The following SLC12A7 variants were observed in gnomAD, a reference collection of about 807,000 sequenced individuals.
The protein encoded by SLC12A7 is solute carrier family 12 member 7.
SLC12A7 carries 100 observed loss-of-function variants against 120.6 expected under a neutral mutation model. The ratio of observed to expected loss-of-function variants is 0.83; its 90% CI spans 0.71 to 0.98. SLC12A7 has a LOEUF of 0.98. SLC12A7 is among the 50% of genes least tolerant of loss of function. SLC12A7 has a pLI of 0.00. For missense variants in SLC12A7, 1,373 were observed against 1,548.1 expected, an observed-to-expected ratio of 0.89 and a Z score of 1.90; for synonymous variants, 760 against 678.0, an observed-to-expected ratio of 1.12 and a Z score of -1.88.
chr5:1,077,203 C>A (rs1738454829), intron 12 of SLC12A7, among the ~76,000 whole-genome samples: 1 of 152,244 alleles, frequency 6.6e-6, no homozygotes. Flanking sequence ...GTGTGCCTGT[C>A]CCCTTCCTGG....
chr5:1,074,529 T>C (rs2150828724), intron 16 of SLC12A7, 38 bp downstream of exon 16: 3 of 1,566,802 alleles, frequency 1.9e-6, no homozygotes, highest in Non-Finnish European at 2.6e-6. Context: ...ACAGCTCTTC[T>C]GTGCGTCTGA....
chr5:1,060,251 C>T (rs4975699), intron 21 of SLC12A7, 93 bp downstream of exon 21: 1 of 954,876 alleles, frequency 1.0e-6, no homozygotes, highest in South Asian at 1.4e-5. Context: ...CTGGAGGACC[C>T]TCGTGGGCTG....
the SLC12A7 span, among the ~76,000 whole-genome samples, chr5:1,151,409 C>T: frequency 3.3e-5 from 5 of 152,220 alleles, no homozygotes; most frequent in Non-Finnish European, 5.9e-5. The surrounding 1 kb of genome is among the most constrained non-coding windows in gnomAD (Gnocchi z 6.2). Flanking sequence ...CCGGCCTCTG[C>T]CAGCCCCAGC....
intron 8 of SLC12A7, 33 bp downstream of exon 8, chr5:1,083,693 GCCTGCTGCCCCCGCCACCC>G (rs1432222727): frequency 6.4e-7 from 1 of 1,555,568 alleles, no homozygotes; most frequent in Non-Finnish European, 8.8e-7. Flanking sequence ...CAGGGCCAGC[GCCTGCTGCCCCCGCCACCC>G]CCCAGCTCCA....
rs10462661 is a variant in SLC12A7, at chr5:1,108,536, C to G, written c.124+3332G>C. Among the ~76,000 whole-genome samples the G allele has an allele frequency of 3.9e-5, 6 of 152,304 alleles. No individual in the cohort carries two copies. The East Asian group carries it at 1.2e-3, about 30-fold the overall frequency. Reference sequence around the variant, plus strand: ...TCCTGCTCCGACTGCCTCCCATGTCCGTGTCGGGAACGCCCTCCTGAAATC... The same window carrying G: ...TCCTGCTCCGACTGCCTCCCATGTCGGTGTCGGGAACGCCCTCCTGAAATC... On this transcript the variant is annotated intron_variant, in intron 1 of 23. Transcript: ENST00000264930.
At chr5:1,104,481 A>G (rs1167615969) in intron 1 of SLC12A7, among the ~76,000 whole-genome samples, 1 of 152,206 alleles carries the variant, frequency 6.6e-6, no homozygotes, top group African/African-American at 2.4e-5. Context: ...AGGCATGCCA[A>G]CCAAGCACAC....
upstream of SLC12A7, among the ~76,000 whole-genome samples, chr5:1,116,655 G>A (rs1278371872): frequency 6.6e-6 from 1 of 152,226 alleles, no homozygotes; most frequent in Non-Finnish European, 1.5e-5. Flanking sequence ...AGGATTTTTA[G>A]ACCACGTGTG....
At chr5:1,104,908 C>T (rs1275684629) in intron 1 of SLC12A7, among the ~76,000 whole-genome samples, 3 of 152,262 alleles carry the variant, frequency 2.0e-5, no homozygotes, top group African/African-American at 7.2e-5. Context: ...ACCCCTGCAA[C>T]GGCAGCACAC....
rs368202348 is a variant in SLC12A7 at position 1,057,578 on chromosome 5, C to T, written c.2919G>A (p.Thr973=). 87 of 1,611,764 alleles carry T rather than the reference C, an allele frequency of 5.4e-5. No individual in the cohort carries two copies. The highest frequency in any genetic ancestry group is 1.3e-4 in the Admixed American group (8 of 59,994). Residue 973 remains threonine, a synonymous_variant, in exon 22 of 24, where the codon ACG becomes ACA. Transcript: ENST00000264930. Reference sequence around the variant, plus strand: ...TCCAGGTCATCTGCACCTTGTCTGGCGTAGGCGGCGCTTGGGTCCTGGCTG... The same window carrying T: ...TCCAGGTCATCTGCACCTTGTCTGGTGTAGGCGGCGCTTGGGTCCTGGCTG... ...AAAARTQAPP[T]PDKVQMTWTR...
At chr5:1,123,607 G>A in the SLC12A7 span, among the ~76,000 whole-genome samples, 14 of 152,342 alleles carry the variant, frequency 9.2e-5, no homozygotes, top group African/African-American at 3.4e-4. Context: ...GCCAGAGACC[G>A]CCGCACAGAA....
chr5:1,050,820 C>G lies in SLC12A7; in HGVS notation c.*1540G>C, dbSNP rs1734959609. The G allele has an allele frequency of 2.5e-6, 1 of 398,510 alleles. No homozygotes were observed. The highest frequency in any genetic ancestry group is 4.4e-6 in the Non-Finnish European group (1 of 226,068). 24.7% of individuals were successfully genotyped at this position (398,510 alleles called of 1,614,324 possible). A position where few individuals can be genotyped will look rare whatever the true frequency, so the allele number is the denominator to read the frequency against. On this transcript the variant is annotated 3_prime_UTR_variant, in exon 24 of 24. Coordinates refer to ENST00000264930, the MANE Select transcript of SLC12A7 (RefSeq NM_006598.3). ...TGTGATGTCTGGGACACGCTCTGGG[C>G]AGCAGCCGTCACTCTACAGCAATGC... is the stretch of plus-strand genomic sequence containing the variant.
Position 1,098,780 on chromosome 5 carries a change from ACCCAGCCACCCTCTAACCCTCTGCT to A in SLC12A7, c.125-4557_125-4533del, listed in dbSNP as rs1741668932. ...CCAGCCCCCCTCTAACCCTCTGCTC[ACCCAGCCACCCTCTAACCCTCTGCT>A]CACCCAGCCGCGTCCCTTGCGCTCC... On this transcript the variant is annotated intron_variant, in intron 1 of 23. Transcript: ENST00000264930. Among the ~76,000 whole-genome samples the A allele has an allele frequency of 3.7e-4, 18 of 48,934 alleles. 2 individuals are homozygous for A. The highest frequency in any genetic ancestry group is 1.1e-3 in the South Asian group (2 of 1,902). The allele number at this position is 48,934 out of a possible 152,430, so 32.1% of individuals were successfully genotyped here.
the SLC12A7 span, among the ~76,000 whole-genome samples, chr5:1,128,625 G>A: frequency 1.3e-5 from 2 of 152,250 alleles, no homozygotes; most frequent in African/African-American, 4.8e-5. Context: ...AGGTGCGGTG[G>A]CTAGTGAGAC....
intron 6 of SLC12A7, 146 bp from the exon 7 acceptor site, chr5:1,085,619 C>T (rs141839244): frequency 0.014 from 16,907 of 1,205,834 alleles, 214 homozygotes; most frequent in Non-Finnish European, 0.017. Flanking sequence ...ACGGAGCCCG[C>T]GGGGGTCAGC....
chr5:1,078,917 C>A (rs1738678957), intron 10 of SLC12A7, among the ~76,000 whole-genome samples, 159 bp from the exon 11 acceptor site: 1 of 152,216 alleles, frequency 6.6e-6, no homozygotes. Context: ...CCATCCCGGG[C>A]ACGTCCTGTC....
At chr5:1,154,368 C>T in the SLC12A7 span, among the ~76,000 whole-genome samples, 1 of 151,712 alleles carries the variant, frequency 6.6e-6, no homozygotes, top group African/African-American at 2.4e-5. Flanking sequence ...CACACACACA[C>T]ACACACACAC....
At chr5:1,063,555 C>T (rs1200144977) in intron 20 of SLC12A7, among the ~76,000 whole-genome samples, 1 of 152,132 alleles carries the variant, frequency 6.6e-6, no homozygotes, top group Non-Finnish European at 1.5e-5. Context: ...CAAAACCAAG[C>T]CTCCTTGACC....
In SLC12A7 at chr5:1,050,924, C is replaced by G. The variant is rs1734967682; in HGVS notation, c.*1436G>C. The G allele has an allele frequency of 2.5e-6, 1 of 398,552 alleles. No individual in the cohort carries two copies. The allele number at this position is 398,552 out of a possible 1,614,324, so 24.7% of individuals were successfully genotyped here. On this transcript the variant is annotated 3_prime_UTR_variant, in exon 24 of 24. Coordinates refer to ENST00000264930, the MANE Select transcript of SLC12A7 (RefSeq NM_006598.3). Reference sequence around the variant, plus strand: ...CCCGATTTGAACTTTGTTGATGGGGCTGATTCCCTTGGGAGACCATGCAAG... The same window carrying G: ...CCCGATTTGAACTTTGTTGATGGGGGTGATTCCCTTGGGAGACCATGCAAG...
intron 3 of SLC12A7, among the ~76,000 whole-genome samples, chr5:1,092,262 A>G (rs1356532132): frequency 6.6e-6 from 1 of 152,248 alleles, no homozygotes. Flanking sequence ...GACCCAGGTC[A>G]GCAGAACACT....
Sources: gnomAD v4.1 joint callset for allele counts (sites outside exome capture counted in the v4.1 genomes callset) on GRCh38, gnomAD v4.1.1 for gene constraint, Gnocchi (gnomAD v3.1) non-coding constraint, MANE v1.5 for transcripts, NCBI Gene and HGNC (gene_info 2026-07-23, HGNC 2026-07-21) for gene names.